The following PTPN2 variants were observed in gnomAD, a reference collection of about 807,000 sequenced individuals.
PTPN2 encodes tyrosine-protein phosphatase non-receptor type 2.
Under a neutral mutation model 57.3 loss-of-function variants are expected in PTPN2, and 19 were observed. That is an observed-to-expected ratio of 0.33 (90% CI 0.23 to 0.49). The LOEUF is 0.49. PTPN2 is among the 20% of genes least tolerant of loss of function. PTPN2 has a pLI of 0.99. For missense variants in PTPN2, 358 were observed against 501.1 expected (o/e 0.71, Z 2.73); for synonymous variants, 153 against 164.9 (o/e 0.93, Z 0.55).
chr18:12,883,368 T>C (rs1023687930), intron 1 of PTPN2, among the ~76,000 whole-genome samples: 2 of 152,228 alleles, frequency 1.3e-5, no homozygotes, highest in African/African-American at 4.8e-5. Flanking sequence ...TGGGCGCTGC[T>C]GGGCCACGGG....
downstream of PTPN2, among the ~76,000 whole-genome samples, chr18:12,791,792 A>T (rs555974507): frequency 6.6e-6 from 1 of 152,310 alleles, no homozygotes; most frequent in Admixed American, 6.5e-5. Flanking sequence ...GAAAGCATAC[A>T]GAAAGCAAAG....
chr18:12,837,085 A>G (rs1476718868), intron 2 of PTPN2, among the ~76,000 whole-genome samples, 194 bp from the exon 3 acceptor site: 2 of 152,244 alleles, frequency 1.3e-5, no homozygotes, highest in African/African-American at 4.8e-5. Flanking sequence ...CTTGTTTATT[A>G]CTATAGTGCT....
intron 5 of PTPN2, among the ~76,000 whole-genome samples, 194 bp downstream of exon 5, chr18:12,825,616 T>C: frequency 6.6e-6 from 1 of 152,118 alleles, no homozygotes; most frequent in Non-Finnish European, 1.5e-5. Flanking sequence ...TTGAAATTCT[T>C]AGTTTCTACT....
chr18:12,832,671 T>A (rs1271536441), intron 3 of PTPN2, among the ~76,000 whole-genome samples: 1 of 152,174 alleles, frequency 6.6e-6, no homozygotes, highest in Non-Finnish European at 1.5e-5. Flanking sequence ...GTAAAATGAA[T>A]ACCTTTTTCT....
chr18:12,874,336 T>C (rs2145528286), intron 1 of PTPN2, among the ~76,000 whole-genome samples: 2 of 126,462 alleles, frequency 1.6e-5, no homozygotes, highest in African/African-American at 6.2e-5. Flanking sequence ...AGCCGCCCCG[T>C]CTGGGAGGTG....
At chr18:12,859,478 TCCA>T (rs1258308710) in intron 1 of PTPN2, among the ~76,000 whole-genome samples, 1 of 152,198 alleles carries the variant, frequency 6.6e-6, no homozygotes, top group Non-Finnish European at 1.5e-5. Flanking sequence ...AGGTTAAAAA[TCCA>T]CCAAAGATCC....
chr18:12,868,348 G>A (rs913026049), intron 1 of PTPN2, among the ~76,000 whole-genome samples: 1 of 151,974 alleles, frequency 6.6e-6, no homozygotes, highest in Non-Finnish European at 1.5e-5. Context: ...CCGCCTCCCG[G>A]GTTCAAGTGA....
chr18:12,883,951 A>T, intron 1 of PTPN2, 122 bp downstream of exon 1: 1 of 757,386 alleles, frequency 1.3e-6, no homozygotes, highest in Non-Finnish European at 1.9e-6. Context: ...CCGCGCCGCC[A>T]CTTCCGCCCC....
At chr18:12,846,327 CCCA>C (rs1325032300) in intron 2 of PTPN2, among the ~76,000 whole-genome samples, 12 of 152,326 alleles carry the variant, frequency 7.9e-5, no homozygotes, top group Non-Finnish European at 1.6e-4. Flanking sequence ...CAAATTTTCA[CCCA>C]CCAACTTTAG....
At chr18:12,805,072 A>C (rs2041590857) in intron 7 of PTPN2, among the ~76,000 whole-genome samples, 1 of 152,224 alleles carries the variant, frequency 6.6e-6, no homozygotes, top group South Asian at 2.1e-4. Context: ...AACATATGTA[A>C]ATCAATAAAC....
downstream of PTPN2, among the ~76,000 whole-genome samples, chr18:12,788,817 C>T (rs1319954610): frequency 3.9e-5 from 6 of 152,060 alleles, no homozygotes; most frequent in Non-Finnish European, 8.8e-5. Flanking sequence ...TAGGAGAAAG[C>T]ACATGTACAG....
At chr18:12,789,882 ATATATATGTATG>A (rs2040939459), downstream of PTPN2, among the ~76,000 whole-genome samples, 1 of 144,900 alleles carries the variant, frequency 6.9e-6, no homozygotes, top group African/African-American at 2.6e-5. Context: ...GTGTGTGTAT[ATATATATGTATG>A]TATATATGTA....
intron 6 of PTPN2, among the ~76,000 whole-genome samples, chr18:12,815,089 TAAATAAATA>T (rs1292439855): frequency 2.8e-4 from 7 of 24,686 alleles, no homozygotes; most frequent in African/African-American, 8.6e-4. Context: ...ATCTCAAAAA[TAAATAAATA>T]AATAAATAAA....
chr18:12,824,105 T>C (rs1003868237), intron 5 of PTPN2, among the ~76,000 whole-genome samples: 3 of 152,222 alleles, frequency 2.0e-5, no homozygotes, highest in African/African-American at 7.2e-5. Flanking sequence ...GAATGAACAA[T>C]GTACAGCTCA....
In PTPN2 at chr18:12,884,106, C is replaced by T; in HGVS notation, c.36G>A (p.Leu12=). 6.3e-7 allele frequency: 1 copy of T among 1,588,606 alleles called. No homozygotes were observed. Among genetic ancestry groups the T allele is most frequent in the Admixed American group, 1.8e-5 (1 of 56,992 alleles). ...PTTIEREFEE[L]DTQRRWQPLY... The stretch of plus-strand genomic sequence containing the variant: ...GCGGCTGCCAGCGACGCTGAGTATC[C>T]AACTCTTCGAACTCCCGCTCGATGG... The change falls in exon 1 of 9, where the codon TTG becomes TTA. Residue 12 remains leucine (L), a synonymous_variant. Coordinates refer to ENST00000309660, the MANE Select transcript of PTPN2 (RefSeq NM_002828.4).
chr18:12,785,525 A>G (rs1443579099), exon 10 of PTPN2: 3 of 444,466 alleles, frequency 6.7e-6, no homozygotes, highest in African/African-American at 6.2e-5. Context: ...ATAAAAATAC[A>G]GTAGGAATGG....
At chr18:12,840,816 C>G (rs1568134981) in intron 2 of PTPN2, 2 of 1,598,146 alleles carry the variant, frequency 1.3e-6, no homozygotes, top group Middle Eastern at 1.7e-4. Flanking sequence ...CACCTTTTCA[C>G]GTTGCTCTCC....
downstream of PTPN2, chr18:12,792,133 G>C: frequency 5.2e-6 from 4 of 770,750 alleles, no homozygotes; most frequent in Non-Finnish European, 6.3e-6. Flanking sequence ...CAGTAATACT[G>C]AATCAGGACA....
At chr18:12,788,949 T>C (rs1568068879), downstream of PTPN2, among the ~76,000 whole-genome samples, 1 of 152,166 alleles carries the variant, frequency 6.6e-6, no homozygotes, top group Non-Finnish European at 1.5e-5. Context: ...TAAATAATAC[T>C]ACCCAAAGAG....
Sources: gnomAD v4.1 joint callset for allele counts (sites outside exome capture counted in the v4.1 genomes callset) on GRCh38, gnomAD v4.1.1 for gene constraint, MANE v1.5 for transcripts, NCBI Gene and HGNC (gene_info 2026-07-23, HGNC 2026-07-21) for gene names.